Variants in UBAP1 observed in about 807,000 individuals in gnomAD.
UBAP1 encodes ubiquitin associated protein 1.
In UBAP1, 5 loss-of-function variants were observed where a neutral mutation model predicts 39.0. That is an observed-to-expected ratio of 0.13 (90% confidence interval 0.07 to 0.27). The LOEUF (loss-of-function observed/expected upper bound fraction) is 0.27. Ranked by LOEUF, UBAP1 falls within the 10% of genes least tolerant of loss-of-function variation. The pLI is 1.00. For missense variants in UBAP1, 490 were observed against 608.1 expected, an observed-to-expected ratio of 0.81 and a Z score of 2.04; for synonymous variants, 211 against 225.1, an observed-to-expected ratio of 0.94 and a Z score of 0.56.
chr9:34,211,639 T>A (rs1832022539), intron 1 of UBAP1, among the ~76,000 whole-genome samples: 1 of 152,170 alleles, frequency 6.6e-6, no homozygotes, highest in South Asian at 2.1e-4. Flanking sequence ...TCAGAGGGCC[T>A]GGTCCTTCGC....
chr9:34,207,048 C>CTTTTTTTTTTTTTTTTTTTTTTTT (rs34197502), intron 1 of UBAP1, among the ~76,000 whole-genome samples: 4 of 90,060 alleles, frequency 4.4e-5, no homozygotes, highest in African/African-American at 9.1e-5. Context: ...ATTGTTATTT[C>CTTTTTTTTTTTTTTTTTTTTTTTT]TTTTTTTTTT....
At chr9:34,226,125 G>GTC (rs1833064359) in intron 2 of UBAP1, among the ~76,000 whole-genome samples, 1 of 139,820 alleles carries the variant, frequency 7.2e-6, no homozygotes, top group Non-Finnish European at 1.6e-5. Context: ...GTGTGTGTGT[G>GTC]TGTGTGTGTG....
chr9:34,241,934 G>A lies in UBAP1; in HGVS notation c.909G>A (p.Lys303=). ...ATGGCACGTTCCAGAATTCCCTAAA[G>A]CCTTCCACCCAAAGCAGTGCCAGTG... The part of the protein sequence containing the change: ...LRNGTFQNSL[K]PSTQSSASEL... The change falls in exon 4 of 7, where the codon AAG becomes AAA. Residue 303 remains lysine (K), a synonymous_variant. Coordinates refer to ENST00000297661, the MANE Select transcript of UBAP1 (RefSeq NM_016525.5). 1.2e-6 allele frequency: 2 copies of A among 1,614,098 alleles called. No homozygotes were observed. The highest frequency in any genetic ancestry group is 1.7e-6 in the Non-Finnish European group (2 of 1,180,014).
At chr9:34,187,830 TA>T (rs1039835295) in intron 1 of UBAP1, among the ~76,000 whole-genome samples, 101 of 145,866 alleles carry the variant, frequency 6.9e-4, no homozygotes, top group Non-Finnish European at 1.0e-3. Flanking sequence ...TTGCTTTTTT[TA>T]AAAAAAAAAA....
At position 34,181,119 on chromosome 9, in the gene UBAP1, T is replaced by TTTTTTC. The variant is rs1554644669; in HGVS notation, c.-8+1884_-8+1885insCTTTTT. Among the ~76,000 whole-genome samples, 324 of 111,770 alleles carry TTTTTTC rather than the reference T, an allele frequency of 2.9e-3. 10 individuals carry two copies. The highest frequency in any genetic ancestry group is 0.011 in the African/African-American group (313 of 28,034). The allele number at this position is 111,770 out of a possible 152,430, so 73.3% of individuals were successfully genotyped here. On this transcript the variant is annotated intron_variant, in intron 1 of 6. Transcript: ENST00000297661. ...GCCACCGCACCCGGCCTGTTTTCTT[T>TTTTTTC]TTTTTTTTTTTTTTGAGACAGAGTT...
chr9:34,246,786 C>T (rs1007501263), intron 4 of UBAP1, among the ~76,000 whole-genome samples: 10 of 152,214 alleles, frequency 6.6e-5, no homozygotes, highest in African/African-American at 2.2e-4. Flanking sequence ...GGCCTGAGAG[C>T]ATGCTGAGAC....
chr9:34,222,790 G>A (rs1832831023), intron 2 of UBAP1, among the ~76,000 whole-genome samples: 1 of 151,800 alleles, frequency 6.6e-6, no homozygotes, highest in East Asian at 1.9e-4. Flanking sequence ...ATGAGAGCCT[G>A]TCTCAAACAA....
rs1313832901 is a variant in UBAP1 at position 34,224,327 on chromosome 9, T to A, written c.34+3379T>A. On this transcript the variant is annotated intron_variant, in intron 2 of 6. Transcript: ENST00000297661. ...GAGTATGGTGTGCTGTCAATGAGCA[T>A]GAAGCAATTCTTCACCAGGGTCTTG... 2.0e-5 allele frequency: 9 copies of A among 446,574 alleles called. No individual in the cohort carries two copies. In the East Asian group the frequency reaches 3.3e-4, roughly 16 times the overall value. 27.7% of individuals were successfully genotyped at this position (446,574 alleles called of 1,614,324 possible). A position where few individuals can be genotyped will look rare whatever the true frequency, so the allele number is the denominator to read the frequency against.
chr9:34,193,137 T>A (rs1200531723), intron 1 of UBAP1, among the ~76,000 whole-genome samples: 5 of 151,720 alleles, frequency 3.3e-5, no homozygotes, highest in Admixed American at 6.6e-5. Flanking sequence ...CAAAACCCCA[T>A]CTCTCTACTA....
intron 1 of UBAP1, among the ~76,000 whole-genome samples, chr9:34,189,419 A>G (rs1396187738): frequency 6.6e-6 from 1 of 151,672 alleles, no homozygotes; most frequent in Admixed American, 6.6e-5. Flanking sequence ...AAACTCCTGA[A>G]CTCAAATGAT....
intron 1 of UBAP1, among the ~76,000 whole-genome samples, chr9:34,207,404 AAAAG>A (rs955677030): frequency 1.7e-4 from 26 of 151,172 alleles, no homozygotes; most frequent in East Asian, 1.2e-3. Context: ...AAAAAAAAAA[AAAAG>A]AAAGAAAAAC....
intron 1 of UBAP1, among the ~76,000 whole-genome samples, chr9:34,213,340 G>A (rs1159071111): frequency 2.0e-5 from 3 of 151,850 alleles, no homozygotes; most frequent in African/African-American, 7.3e-5. Context: ...GTGAAACCCC[G>A]TCTCATCTAA....
chr9:34,213,461 AG>A (rs1442444508), intron 1 of UBAP1, among the ~76,000 whole-genome samples: 1 of 152,304 alleles, frequency 6.6e-6, no homozygotes, highest in East Asian at 1.9e-4. Flanking sequence ...CAGTGAGCCG[AG>A]ATCGCACCAT....
chr9:34,241,692 C>T lies in UBAP1; in HGVS notation c.667C>T (p.Leu223=), dbSNP rs201497858. 2.4e-5 allele frequency: 39 copies of T among 1,613,942 alleles called. No individual in the cohort carries two copies. In the East Asian group the frequency reaches 8.5e-4, roughly 35 times the overall value. Residue 223 remains leucine (L), a synonymous_variant, in exon 4 of 7, where the codon CTA becomes TTA. Coordinates refer to ENST00000297661, the MANE Select transcript of UBAP1 (RefSeq NM_016525.5). The part of the protein sequence containing the change: ...EVLASLERAT[L]DFKPLHKPNG... ...CCTGGCATCCTTGGAACGGGCAACC[C>T]TAGATTTCAAGCCTCTTCATAAACC...
chr9:34,243,764 A>G (rs1834080135), intron 4 of UBAP1, among the ~76,000 whole-genome samples: 1 of 151,836 alleles, frequency 6.6e-6, no homozygotes, highest in South Asian at 2.1e-4. Context: ...TGCTGGGATT[A>G]CAGGTGTGAG....
intron 1 of UBAP1, 52 bp from the exon 2 acceptor site, chr9:34,220,856 C>A: frequency 6.5e-7 from 1 of 1,534,710 alleles, no homozygotes; most frequent in South Asian, 1.1e-5. Flanking sequence ...CAATTTTCTT[C>A]GTACTACCTT....
At chr9:34,229,781 C>T (rs1280388545) in intron 2 of UBAP1, among the ~76,000 whole-genome samples, 2 of 152,164 alleles carry the variant, frequency 1.3e-5, no homozygotes, top group Admixed American at 1.3e-4. Flanking sequence ...TCATGATCTG[C>T]TTGCCTCGGC....
At chr9:34,250,634 T>C in intron 5 of UBAP1, 24 bp from the exon 6 acceptor site, 2 of 1,601,144 alleles carry the variant, frequency 1.2e-6, no homozygotes, top group Non-Finnish European at 1.7e-6. Flanking sequence ...CAGTAGGTGC[T>C]AAACCCCTTG....
chr9:34,218,018 C>T (rs1197556150), intron 1 of UBAP1, among the ~76,000 whole-genome samples: 9 of 149,516 alleles, frequency 6.0e-5, no homozygotes, highest in African/African-American at 2.2e-4. Context: ...TTTGGGAGGC[C>T]GAGGCGGGTG....
Sources: gnomAD v4.1 joint callset for allele counts (sites outside exome capture counted in the v4.1 genomes callset) on GRCh38, gnomAD v4.1.1 for gene constraint, MANE v1.5 for transcripts, NCBI Gene and HGNC (gene_info 2026-07-23, HGNC 2026-07-21) for gene names.